Variants in CEP85L observed in about 807,000 individuals in gnomAD.
CEP85L encodes centrosomal protein of 85 kDa-like.
A neutral mutation model predicts 100.3 loss-of-function variants in CEP85L; 60 were observed. The observed-to-expected ratio is 0.60, with a 90% confidence interval of 0.49 to 0.74. The LOEUF (loss-of-function observed/expected upper bound fraction) is 0.74, where lower values mean the gene tolerates loss of function less well. Among genes scored for constraint, CEP85L ranks in the 30% least tolerant of loss-of-function variants. The pLI is 0.00. For missense variants in CEP85L, 973 were observed against 936.2 expected (o/e 1.04, Z -0.51); for synonymous variants, 319 against 322.7 (o/e 0.99, Z 0.12).
At chr6:118,658,676 T>C (rs888386252) in intron 1 of CEP85L, among the ~76,000 whole-genome samples, 3 of 152,152 alleles carry the variant, frequency 2.0e-5, no homozygotes, top group African/African-American at 7.2e-5. Context: ...TGATTGTAAA[T>C]ATATGTTAAA....
intron 1 of CEP85L, among the ~76,000 whole-genome samples, chr6:118,689,177 T>G (rs545490258): frequency 6.6e-6 from 1 of 152,308 alleles, no homozygotes; most frequent in East Asian, 1.9e-4. Context: ...TCTCAACCTC[T>G]GCTTTCAGGG....
At chr6:118,573,876 A>G (rs910722281) in intron 2 of CEP85L, 3 of 152,244 alleles carry the variant, frequency 2.0e-5, no homozygotes, top group Non-Finnish European at 2.9e-5. Context: ...AGCTAAAACT[A>G]TAAAACTCTT....
intron 3 of CEP85L, among the ~76,000 whole-genome samples, chr6:118,544,350 C>A (rs565880144): frequency 1.3e-5 from 2 of 152,164 alleles, no homozygotes; most frequent in African/African-American, 4.8e-5. Flanking sequence ...AAAACATGCA[C>A]TTCTCTTAGA....
chr6:118,503,615 G>C (rs537617719), intron 5 of CEP85L, among the ~76,000 whole-genome samples: 2 of 151,778 alleles, frequency 1.3e-5, no homozygotes, highest in Non-Finnish European at 2.9e-5. Context: ...ACAAAATAGA[G>C]AGTCCAGAAA....
chr6:118,637,136 A>G (rs1448937223), intron 1 of CEP85L, among the ~76,000 whole-genome samples: 1 of 152,186 alleles, frequency 6.6e-6, no homozygotes, highest in Non-Finnish European at 1.5e-5. Flanking sequence ...TACAATCTCA[A>G]CTATCTGTTA....
At chr6:118,517,279 G>A (rs150758565) in intron 4 of CEP85L, among the ~76,000 whole-genome samples, 1,830 of 152,288 alleles carry the variant, frequency 0.012, 28 homozygotes, top group African/African-American at 0.042. Context: ...ATTCTGTGAA[G>A]AAAGTCAATG....
chr6:118,703,557 C>A (rs1246537399), intron 1 of CEP85L, among the ~76,000 whole-genome samples: 4 of 152,112 alleles, frequency 2.6e-5, no homozygotes, highest in African/African-American at 4.8e-5. Context: ...ATTTTATATG[C>A]AGAAAAACAA....
At chr6:118,644,108 G>C (rs577554664) in intron 1 of CEP85L, among the ~76,000 whole-genome samples, 21 of 152,292 alleles carry the variant, frequency 1.4e-4, no homozygotes, top group Non-Finnish European at 2.8e-4. Context: ...TCTAATTTCT[G>C]CTAGGTTTAT....
intron 1 of CEP85L, among the ~76,000 whole-genome samples, chr6:118,636,176 C>A (rs1367295940): frequency 1.3e-5 from 2 of 152,308 alleles, no homozygotes; most frequent in East Asian, 3.9e-4. Context: ...GGCCAGTTTG[C>A]AGACTCCTGA....
rs1381846065 is a variant in CEP85L at position 118,567,237 on chromosome 6, GTGTGTGTGTGTGTATATA to G, written c.233-939_233-922del. ...TGTGTGTGTGTGTGTGTGTGTGTGT[GTGTGTGTGTGTGTATATA>G]TATATATATATATATATATATATAT... On this transcript the variant is annotated intron_variant, in intron 2 of 12. Coordinates refer to ENST00000368491, the MANE Select transcript of CEP85L (RefSeq NM_001042475.3). Among the ~76,000 whole-genome samples, 385 of 86,788 alleles carry G rather than the reference GTGTGTGTGTGTGTATATA, an allele frequency of 4.4e-3. 3 individuals carry two copies. The highest frequency in any genetic ancestry group is 0.012 in the Middle Eastern group (2 of 170). 56.9% of individuals were successfully genotyped at this position (86,788 alleles called of 152,430 possible).
upstream of CEP85L, among the ~76,000 whole-genome samples, chr6:118,654,274 C>T (rs539097561): frequency 6.6e-6 from 1 of 152,212 alleles, no homozygotes; most frequent in South Asian, 2.1e-4. Flanking sequence ...GAGCAAAACC[C>T]TGCCTCTAAA....
chr6:118,702,217 T>G (rs1050011809), intron 1 of CEP85L, among the ~76,000 whole-genome samples: 6 of 152,152 alleles, frequency 3.9e-5, no homozygotes, highest in African/African-American at 1.4e-4. Context: ...TTACCTAAAT[T>G]TTAAAAATTT....
At position 118,558,658 on chromosome 6, in the gene CEP85L, CACAGAG is replaced by C. The variant is rs1314630868; in HGVS notation, c.1020+6865_1020+6870del. 9.7e-3 allele frequency among the ~76,000 whole-genome samples: 1,214 copies of C among 124,924 alleles called. 4 individuals carry two copies. The highest frequency in any genetic ancestry group is 0.015 in the Non-Finnish European group (928 of 60,372). 82.0% of individuals were successfully genotyped at this position (124,924 alleles called of 152,430 possible). A position where few individuals can be genotyped will look rare whatever the true frequency, so the allele number is the denominator to read the frequency against. On this transcript the variant is annotated intron_variant, in intron 3 of 12. Coordinates refer to ENST00000368491, the MANE Select transcript of CEP85L (RefSeq NM_001042475.3). ...ACACACACACACACACACACACACACACAGAGAGAGAGAGAGAGAGAGAGAGAGAGG... is the reference window on the plus strand; with the variant it reads ...ACACACACACACACACACACACACACAGAGAGAGAGAGAGAGAGAGAGAGG...
At chr6:118,500,532 C>T (rs1198616064) in intron 5 of CEP85L, among the ~76,000 whole-genome samples, 2 of 152,246 alleles carry the variant, frequency 1.3e-5, no homozygotes, top group Admixed American at 6.5e-5. Flanking sequence ...AACAATCACC[C>T]TCTCTTTCTC....
At chr6:118,555,976 TG>T (rs1562256761) in intron 3 of CEP85L, among the ~76,000 whole-genome samples, 2 of 152,342 alleles carry the variant, frequency 1.3e-5, no homozygotes, top group Admixed American at 1.3e-4. Flanking sequence ...GCAAAAGACA[TG>T]ATATCATTCT....
chr6:118,651,940 A>C, upstream of CEP85L: 3 of 985,350 alleles, frequency 3.0e-6, no homozygotes, highest in Non-Finnish European at 3.6e-6. Flanking sequence ...CTGGCGTCAC[A>C]ACCGCTCGAG....
intron 1 of CEP85L, among the ~76,000 whole-genome samples, chr6:118,695,225 G>T (rs913439193): frequency 2.0e-5 from 3 of 152,158 alleles, no homozygotes; most frequent in Non-Finnish European, 4.4e-5. Flanking sequence ...TTCTCCCCTG[G>T]TGGATGCATC....
At chr6:118,569,341 C>CAAAAAAAAAAAAAAAAAAAAAA (rs56123225) in intron 2 of CEP85L, among the ~76,000 whole-genome samples, 4 of 68,214 alleles carry the variant, frequency 5.9e-5, no homozygotes, top group African/African-American at 1.3e-4. Flanking sequence ...GACTCTGTCT[C>CAAAAAAAAAAAAAAAAAAAAAA]AAAAAAAAAA....
chr6:118,531,667 CAAAA>C (rs1208540622), intron 3 of CEP85L, among the ~76,000 whole-genome samples: 2 of 151,582 alleles, frequency 1.3e-5, no homozygotes, highest in Non-Finnish European at 3.0e-5. Flanking sequence ...AATTTACAAG[CAAAA>C]AACAACCCCA....
Sources: allele counts gnomAD v4.1 joint callset (sites outside exome capture counted in the v4.1 genomes callset), GRCh38; gene constraint gnomAD v4.1.1; transcripts MANE v1.5; gene names NCBI Gene and HGNC (gene_info 2026-07-23, HGNC 2026-07-21).